Variants in BACH2 observed in about 807,000 individuals in gnomAD.
The protein encoded by BACH2 is transcription regulator protein BACH2.
In BACH2, 5 loss-of-function variants were observed where a neutral mutation model predicts 61.8. The ratio of observed to expected loss-of-function variants is 0.08; its 90% CI spans 0.04 to 0.17. The LOEUF (loss-of-function observed/expected upper bound fraction) is 0.17, where lower values mean the gene tolerates loss of function less well. Ranked by LOEUF, BACH2 falls within the 10% of genes least tolerant of loss-of-function variation. The probability of loss-of-function intolerance (pLI) is 1.00; values close to 1 mark genes in which losing one functional copy is unlikely to be tolerated. For synonymous variants in BACH2, 446 were observed against 440.1 expected (o/e 1.01, Z -0.17); for missense variants, 824 against 1,091.1 (o/e 0.76, Z 3.45).
chr6:89,939,823 A>ATTTT (rs71027914), intron 7 of BACH2, among the ~76,000 whole-genome samples: 1 of 91,386 alleles, frequency 1.1e-5, no homozygotes, highest in African/African-American at 4.1e-5. Flanking sequence ...AGTTAATTAA[A>ATTTT]TTTTTTTTTT....
At chr6:90,115,980 C>G (rs1441918154) in intron 4 of BACH2, among the ~76,000 whole-genome samples, 1 of 152,096 alleles carries the variant, frequency 6.6e-6, no homozygotes, top group Non-Finnish European at 1.5e-5. Flanking sequence ...TCACACCAGT[C>G]AGAATGGTTG....
intron 8 of BACH2, among the ~76,000 whole-genome samples, chr6:89,933,328 C>T (rs940331319): frequency 1.3e-5 from 2 of 151,870 alleles, no homozygotes; most frequent in African/African-American, 4.8e-5. Flanking sequence ...TATGACATTT[C>T]GAAAAAAGCA....
At chr6:90,108,635 T>G (rs1469373428) in intron 4 of BACH2, among the ~76,000 whole-genome samples, 1 of 152,180 alleles carries the variant, frequency 6.6e-6, no homozygotes, top group Non-Finnish European at 1.5e-5. Context: ...AAGCTGGTTA[T>G]CAGGTGGGCT....
At chr6:89,952,008 G>A in intron 6 of BACH2, 146 bp from the exon 7 acceptor site, 1 of 909,436 alleles carries the variant, frequency 1.1e-6, no homozygotes, top group Non-Finnish European at 1.6e-6. Context: ...TACTGGGTCA[G>A]CAATGATTCT....
intron 4 of BACH2, among the ~76,000 whole-genome samples, chr6:90,161,912 C>T (rs778649885): frequency 1.2e-4 from 18 of 152,238 alleles, no homozygotes; most frequent in Middle Eastern, 3.4e-3. Flanking sequence ...CTAAAAGAAG[C>T]GGAACCTCTG....
chr6:90,264,972 G>A (rs547792099), intron 2 of BACH2, among the ~76,000 whole-genome samples: 57 of 152,326 alleles, frequency 3.7e-4, no homozygotes, highest in African/African-American at 1.3e-3. Context: ...AAATTTCAGT[G>A]AAGACAAGAA....
chr6:90,121,534 T>A (rs891884869), intron 4 of BACH2, among the ~76,000 whole-genome samples: 2 of 152,334 alleles, frequency 1.3e-5, no homozygotes, highest in East Asian at 3.9e-4. Flanking sequence ...CTTTGCATTT[T>A]ATTAATTAAT....
At position 89,950,477 on chromosome 6, in the gene BACH2, A is replaced by G; in HGVS notation, c.1629T>C (p.Cys543=). 2 of 1,614,146 alleles carry G rather than the reference A, an allele frequency of 1.2e-6. No homozygotes were observed. Among genetic ancestry groups the G allele is most frequent in the Non-Finnish European group, 1.7e-6 (2 of 1,180,012 alleles). ...SGGSPCSLPL[C]EFSSSPCSQG... is the part of the protein sequence containing the mutation. ...GGGAACAGGGCGAGGAGGAGAACTC[A>G]CAGAGAGGGAGGCTGCAGGGTGAGC... The change falls in exon 7 of 9, where the codon TGT becomes TGC. Residue 543 remains cysteine (C), a synonymous_variant. Transcript: ENST00000257749. The surrounding 1 kb of genome is among the most constrained non-coding windows in gnomAD (Gnocchi z 5.3).
At chr6:89,966,494 AT>A (rs1200755967) in intron 6 of BACH2, among the ~76,000 whole-genome samples, 10 of 152,244 alleles carry the variant, frequency 6.6e-5, no homozygotes, top group Non-Finnish European at 1.3e-4. Flanking sequence ...CAGATAGAAC[AT>A]ACCACTCTGT....
In BACH2 at chr6:90,211,126, C is replaced by CAAAAAAAAAAAAAAAAA. The variant is rs3072672; in HGVS notation, c.-274-4462_-274-4446dup. On this transcript the variant is annotated intron_variant, in intron 3 of 8. Coordinates refer to ENST00000257749, the MANE Select transcript of BACH2 (RefSeq NM_021813.4). ...TGGGTGACAGAGGGAGACTCCATCT[C>CAAAAAAAAAAAAAAAAA]AAAAAAAAAAAAAAAAAAAAAAAGG... is the stretch of plus-strand genomic sequence containing the variant. 4.4e-5 allele frequency among the ~76,000 whole-genome samples: 2 copies of CAAAAAAAAAAAAAAAAA among 45,350 alleles called. 1 individual carries two copies. The highest frequency in any genetic ancestry group is 1.9e-4 in the African/African-American group (2 of 10,366). 29.8% of individuals were successfully genotyped at this position (45,350 alleles called of 152,430 possible). A position where few individuals can be genotyped will look rare whatever the true frequency, so the allele number is the denominator to read the frequency against.
intron 2 of BACH2, among the ~76,000 whole-genome samples, chr6:90,259,603 T>C (rs1275067923): frequency 1.3e-5 from 2 of 152,208 alleles, no homozygotes; most frequent in Non-Finnish European, 1.5e-5. Flanking sequence ...TTTGAAAGTA[T>C]TCCTTCTAGT....
chr6:90,057,393 G>A (rs950424904), intron 5 of BACH2, among the ~76,000 whole-genome samples: 6 of 152,090 alleles, frequency 3.9e-5, no homozygotes, highest in Admixed American at 1.3e-4. Context: ...TAAATTCCTC[G>A]ACACATACAT....
intron 4 of BACH2, among the ~76,000 whole-genome samples, chr6:90,103,037 T>A (rs1312273660): frequency 1.9e-4 from 21 of 109,454 alleles, no homozygotes; most frequent in African/African-American, 9.1e-4. Flanking sequence ...ATATTTTTTT[T>A]TTTTTTTTTT....
intron 4 of BACH2, among the ~76,000 whole-genome samples, chr6:90,141,818 C>T (rs1400121859): frequency 6.6e-6 from 1 of 152,278 alleles, no homozygotes; most frequent in East Asian, 1.9e-4. Flanking sequence ...CAGTGGCTCA[C>T]GCCTGTAATC....
chr6:89,935,775 G>A (rs62408168), intron 8 of BACH2, among the ~76,000 whole-genome samples: 10,043 of 152,174 alleles, frequency 0.066, 438 homozygotes, highest in East Asian at 0.25. Flanking sequence ...ACCAAAACCA[G>A]GCATTTCTCA....
chr6:90,081,889 A>G (rs1781742207), intron 5 of BACH2, among the ~76,000 whole-genome samples: 1 of 152,078 alleles, frequency 6.6e-6, no homozygotes, highest in African/African-American at 2.4e-5. Flanking sequence ...AAGTGTTAGG[A>G]TTCATCCTAA....
intron 6 of BACH2, among the ~76,000 whole-genome samples, chr6:89,990,122 A>G (rs958752486): frequency 6.6e-6 from 1 of 151,892 alleles, no homozygotes; most frequent in African/African-American, 2.4e-5. Flanking sequence ...TTCACCACAT[A>G]TTCTCCCTTT....
At chr6:90,162,170 C>T (rs1460599478) in intron 4 of BACH2, among the ~76,000 whole-genome samples, 2 of 152,092 alleles carry the variant, frequency 1.3e-5, no homozygotes, top group Non-Finnish European at 2.9e-5. Context: ...CTGTCTTGTG[C>T]CTGGACAATG....
intron 1 of BACH2, among the ~76,000 whole-genome samples, chr6:90,276,000 G>T (rs1771679112): frequency 6.6e-6 from 1 of 151,942 alleles, no homozygotes; most frequent in South Asian, 2.1e-4. Flanking sequence ...TCATCAATGG[G>T]CATTAAAGAA....
Sources: gnomAD v4.1 joint callset for allele counts (sites outside exome capture counted in the v4.1 genomes callset) on GRCh38, gnomAD v4.1.1 for gene constraint, Gnocchi (gnomAD v3.1) non-coding constraint, MANE v1.5 for transcripts, NCBI Gene and HGNC (gene_info 2026-07-23, HGNC 2026-07-21) for gene names.